PCDH15: variants seen among roughly 807,000 people sequenced by gnomAD.
PCDH15 encodes the protein protocadherin related 15.
A neutral mutation model predicts 178.5 loss-of-function variants in PCDH15; 129 were observed. The ratio of observed to expected loss-of-function variants is 0.72; its 90% CI spans 0.63 to 0.84. PCDH15 has a LOEUF of 0.84. PCDH15 is among the 40% of genes least tolerant of loss of function. PCDH15 has a pLI of 0.00. For synonymous variants in PCDH15, 800 were observed against 732.0 expected, an observed-to-expected ratio of 1.09 and a Z score of -1.50; for missense variants, 2,230 against 2,099.9, an observed-to-expected ratio of 1.06 and a Z score of -1.21.
At chr10:54,899,475 C>G (rs1316524162) in intron 2 of PCDH15, among the ~76,000 whole-genome samples, 1 of 142,822 alleles carries the variant, frequency 7.0e-6, no homozygotes, top group Non-Finnish European at 1.5e-5. Context: ...CCCCTCCCCT[C>G]CCCTCCCCTT....
intron 30 of PCDH15, 26 bp from the exon 31 acceptor site, chr10:53,828,599 A>G: frequency 6.6e-7 from 1 of 1,526,130 alleles, no homozygotes; most frequent in Non-Finnish European, 9.1e-7. Context: ...AGAGTAAGAA[A>G]AATAGAAAGC....
chr10:54,899,792 A>G (rs1000227136), intron 2 of PCDH15, among the ~76,000 whole-genome samples: 4 of 152,034 alleles, frequency 2.6e-5, no homozygotes, highest in African/African-American at 9.7e-5. Flanking sequence ...ACCGTGCCCG[A>G]CCAAAGATTA....
chr10:54,332,244 AT>A (rs56329900), intron 6 of PCDH15, among the ~76,000 whole-genome samples: 826 of 23,784 alleles, frequency 0.035, 28 homozygotes, highest in African/African-American at 0.14. Context: ...TATATAATAT[AT>A]ATATAATCTA....
chr10:53,963,410 C>G (rs1277165985), intron 21 of PCDH15, among the ~76,000 whole-genome samples: 1 of 152,132 alleles, frequency 6.6e-6, no homozygotes, highest in Non-Finnish European at 1.5e-5. Context: ...CCCACTCTTT[C>G]TGGCTACTAA....
chr10:55,145,405 G>A (rs1308281566), intron 2 of PCDH15, among the ~76,000 whole-genome samples: 1 of 151,992 alleles, frequency 6.6e-6, no homozygotes, highest in African/African-American at 2.4e-5. Flanking sequence ...ATATATTGCA[G>A]GTGATTTTAT....
chr10:53,944,932 G>A (rs1469343800), intron 23 of PCDH15, among the ~76,000 whole-genome samples: 1 of 152,144 alleles, frequency 6.6e-6, no homozygotes, highest in Non-Finnish European at 1.5e-5. Flanking sequence ...TGGCAGTGTT[G>A]GTTCCTATTT....
chr10:54,962,622 G>A (rs1838685143), intron 2 of PCDH15, among the ~76,000 whole-genome samples: 2 of 152,126 alleles, frequency 1.3e-5, no homozygotes, highest in Non-Finnish European at 2.9e-5. Context: ...GCTGTACATT[G>A]GGTCAAGCCA....
chr10:54,957,348 T>C (rs1297766111), intron 2 of PCDH15, among the ~76,000 whole-genome samples: 1 of 151,590 alleles, frequency 6.6e-6, no homozygotes, highest in Admixed American at 6.6e-5. Flanking sequence ...TCATATAACA[T>C]TCAGTTTATT....
intron 1 of PCDH15, among the ~76,000 whole-genome samples, chr10:55,297,820 C>T (rs1387066005): frequency 6.6e-6 from 1 of 151,972 alleles, no homozygotes; most frequent in Non-Finnish European, 1.5e-5. Context: ...TAAATAGTTG[C>T]ACAGATAAAA....
At chr10:53,856,302 G>T (rs1589116647) in intron 28 of PCDH15, among the ~76,000 whole-genome samples, 1 of 151,732 alleles carries the variant, frequency 6.6e-6, no homozygotes, top group Non-Finnish European at 1.5e-5. Flanking sequence ...AAATAGTAAA[G>T]ATATTTTAAA....
chr10:54,934,227 C>T (rs1406670978), intron 2 of PCDH15, among the ~76,000 whole-genome samples: 1 of 152,024 alleles, frequency 6.6e-6, no homozygotes, highest in East Asian at 1.9e-4. Context: ...ACTAAAAGCA[C>T]ATAATTTATC....
intron 8 of PCDH15, among the ~76,000 whole-genome samples, chr10:54,241,443 T>G (rs2055285164): frequency 6.6e-6 from 1 of 152,202 alleles, no homozygotes; most frequent in Admixed American, 6.5e-5. Flanking sequence ...GCTTTATTGG[T>G]CTGTGGGCAG....
At chr10:54,164,828 C>T (rs900193859) in intron 13 of PCDH15, among the ~76,000 whole-genome samples, 2 of 152,160 alleles carry the variant, frequency 1.3e-5, no homozygotes, top group Non-Finnish European at 2.9e-5. Flanking sequence ...TCTAAAGTTA[C>T]AAGACTTCTA....
intron 1 of PCDH15, among the ~76,000 whole-genome samples, chr10:55,208,014 T>TA (rs1840453653): frequency 6.6e-6 from 1 of 152,156 alleles, no homozygotes. Context: ...CAGATATATA[T>TA]TTTTAACTCA....
intron 2 of PCDH15, among the ~76,000 whole-genome samples, chr10:55,428,990 T>C (rs547609616): frequency 1.8e-4 from 27 of 152,192 alleles, no homozygotes; most frequent in African/African-American, 6.3e-4. Context: ...GAACTTACCG[T>C]AGCATTCTTT....
intron 2 of PCDH15, among the ~76,000 whole-genome samples, chr10:55,356,438 T>G (rs1845083055): frequency 6.6e-6 from 1 of 151,830 alleles, no homozygotes; most frequent in Non-Finnish European, 1.5e-5. Context: ...ATATTGGTAA[T>G]AGGATGGACA....
At chr10:54,937,746 T>C (rs1244711776) in intron 2 of PCDH15, among the ~76,000 whole-genome samples, 15 of 152,010 alleles carry the variant, frequency 9.9e-5, no homozygotes, top group Admixed American at 5.2e-4. Flanking sequence ...AATAATTTAA[T>C]TAGGAAATGA....
intron 33 of PCDH15, chr10:53,818,402 C>T (rs545782174): frequency 6.4e-6 from 1 of 156,944 alleles, no homozygotes; most frequent in Non-Finnish European, 1.4e-5. Flanking sequence ...AAGAGATATG[C>T]TTTATACATG....
chr10:53,918,899 G>A (rs1190999472), intron 25 of PCDH15, among the ~76,000 whole-genome samples: 1 of 152,156 alleles, frequency 6.6e-6, no homozygotes, highest in Admixed American at 6.6e-5. Context: ...AGACGTAGCA[G>A]GTCTGCATTT....
Sources: gnomAD v4.1 joint callset for allele counts (sites outside exome capture counted in the v4.1 genomes callset) on GRCh38, gnomAD v4.1.1 for gene constraint, MANE v1.5 for transcripts, NCBI Gene and HGNC (gene_info 2026-07-23, HGNC 2026-07-21) for gene names.